Variants in SLC9A3 observed in about 807,000 individuals in gnomAD.
The protein encoded by SLC9A3 is sodium/hydrogen exchanger 3.
In SLC9A3, 37 loss-of-function variants were observed where a neutral mutation model predicts 86.8. The ratio of observed to expected loss-of-function variants is 0.43; its 90% confidence interval spans 0.33 to 0.56. The LOEUF (loss-of-function observed/expected upper bound fraction) is 0.56. SLC9A3 is among the 20% of genes least tolerant of loss of function. The pLI is 0.06. For missense variants in SLC9A3, 1,011 were observed against 1,171.9 expected (o/e 0.86, Z 2.00); for synonymous variants, 581 against 528.3 (o/e 1.10, Z -1.37).
At chr5:499,524 C>T (rs1214266323) in intron 1 of SLC9A3, among the ~76,000 whole-genome samples, 1 of 152,256 alleles carries the variant, frequency 6.6e-6, no homozygotes, top group Admixed American at 6.5e-5. Context: ...ACAATCTGCA[C>T]GTTTTTAGGA....
chr5:505,902 A>G (rs1210694694), intron 1 of SLC9A3, among the ~76,000 whole-genome samples: 2 of 151,386 alleles, frequency 1.3e-5, no homozygotes, highest in African/African-American at 4.9e-5. Flanking sequence ...CACTGAGGCA[A>G]AGGCATGAGG....
At chr5:488,660 C>G (rs6869609) in intron 2 of SLC9A3, among the ~76,000 whole-genome samples, 184 bp from the exon 3 acceptor site, 53,935 of 152,206 alleles carry the variant, frequency 0.35, 9,744 homozygotes, top group Admixed American at 0.4. Flanking sequence ...GGGAAGGCTG[C>G]TGTCTTCCGA....
chr5:476,498 C>CG, intron 12 of SLC9A3, 45 bp downstream of exon 12: 2 of 1,604,662 alleles, frequency 1.2e-6, no homozygotes, highest in East Asian at 4.5e-5. Flanking sequence ...AGCCGCCCCA[C>CG]GGGGTCCCTG....
chr5:499,398 C>T (rs1356833006), intron 1 of SLC9A3, among the ~76,000 whole-genome samples: 2 of 152,260 alleles, frequency 1.3e-5, no homozygotes, highest in Non-Finnish European at 2.9e-5. Flanking sequence ...TGTCCACATG[C>T]ACACAGCCGG....
chr5:510,696 G>A (rs534597103), intron 1 of SLC9A3, among the ~76,000 whole-genome samples: 85 of 152,350 alleles, frequency 5.6e-4, no homozygotes, highest in African/African-American at 1.9e-3. Flanking sequence ...GCAGGCGGCC[G>A]TGGATGCCAT....
intron 6 of SLC9A3, 76 bp downstream of exon 6, chr5:483,186 G>A: frequency 8.6e-7 from 1 of 1,165,906 alleles, no homozygotes; most frequent in Non-Finnish European, 1.2e-6. Context: ...CCTGGGCCCA[G>A]TAGAAAGCCT....
chr5:482,803 G>A, intron 6 of SLC9A3, 53 bp from the exon 7 acceptor site: 1 of 1,433,380 alleles, frequency 7.0e-7, no homozygotes, highest in Non-Finnish European at 9.6e-7. Flanking sequence ...CCAGCCGCGG[G>A]ACCCCAGCCC....
chr5:501,008 G>A (rs1288074826), intron 1 of SLC9A3, among the ~76,000 whole-genome samples: 2 of 152,218 alleles, frequency 1.3e-5, no homozygotes, highest in Admixed American at 6.5e-5. Flanking sequence ...CTGGGGACAC[G>A]CAGGCCCTCA....
chr5:485,122 C>T (rs752064109), intron 4 of SLC9A3, 31 bp downstream of exon 4: 41 of 1,548,916 alleles, frequency 2.6e-5, no homozygotes, highest in East Asian at 9.0e-5. Context: ...GAGACACGGC[C>T]GCCCACTCCC....
intron 1 of SLC9A3, among the ~76,000 whole-genome samples, chr5:517,516 A>G (rs568343473): frequency 9.9e-5 from 15 of 151,288 alleles, no homozygotes; most frequent in African/African-American, 3.7e-4. Context: ...CCAGCTATCC[A>G]TTCACTCATC....
chr5:472,602 G>C lies in SLC9A3; in HGVS notation c.*777C>G. 3 of 393,392 alleles carry C rather than the reference G, an allele frequency of 7.6e-6. No homozygotes were observed. The highest frequency in any genetic ancestry group is 1.5e-5 in the Non-Finnish European group (3 of 196,202). 24.4% of individuals were successfully genotyped at this position (393,392 alleles called of 1,614,324 possible). A position where few individuals can be genotyped will look rare whatever the true frequency, so the allele number is the denominator to read the frequency against. On this transcript the variant is annotated 3_prime_UTR_variant, in exon 17 of 17. Coordinates refer to ENST00000264938, the MANE Select transcript of SLC9A3 (RefSeq NM_004174.4). ...CGCGGGCAGGACGGAACCTGGGGGG[G>C]AAACGGGGCAGGTACTGGCTTTAGG... is the stretch of plus-strand genomic sequence containing the variant.
In SLC9A3 at chr5:476,320, C is replaced by T. The variant is rs373185294; in HGVS notation, c.1949G>A (p.Arg650Gln). ...LTPTEDEKQD[R>Q]EIFHRTMRKR... is the part of the protein sequence containing the mutation. ...CCGCATGGTCCTGTGGAAGATTTCC[C>T]GGTCCTGTTTCTCGTCCTCCGTGGG... The change falls in exon 13 of 17, where the codon CGG (arginine) becomes CAG (glutamine). Residue 650 changes from arginine (R) to glutamine (Q), a missense_variant. Around this residue, in one of 3 missense-constraint regions of SLC9A3, gnomAD observed 397 missense variants for 346.3 expected, o/e 1.15. Coordinates refer to ENST00000264938, the MANE Select transcript of SLC9A3 (RefSeq NM_004174.4). 3.8e-5 allele frequency: 62 copies of T among 1,613,850 alleles called. No homozygotes were observed. The highest frequency in any genetic ancestry group is 3.3e-4 in the Middle Eastern group (2 of 6,084).
At chr5:490,913 T>C (rs1739703807) in intron 2 of SLC9A3, among the ~76,000 whole-genome samples, 1 of 152,224 alleles carries the variant, frequency 6.6e-6, no homozygotes, top group African/African-American at 2.4e-5. Context: ...AACCACGTGC[T>C]GGGTGAGGCG....
rs112372544 is a variant in SLC9A3, at chr5:519,238, G to A, written c.211+4874C>T. ...CCCACTCACTGGTCCTCTCCTGGGAGGACTGGGTCCCCTGGGGACTTTGCT... is the reference window on the plus strand; with the variant it reads ...CCCACTCACTGGTCCTCTCCTGGGAAGACTGGGTCCCCTGGGGACTTTGCT... On this transcript the variant is annotated intron_variant, in intron 1 of 16. Coordinates refer to ENST00000264938, the MANE Select transcript of SLC9A3 (RefSeq NM_004174.4). Among the ~76,000 whole-genome samples the A allele has an allele frequency of 9.2e-5, 14 of 152,290 alleles. 2 individuals carry two copies. The highest frequency in any genetic ancestry group is 3.4e-4 in the African/African-American group (14 of 41,546).
intron 1 of SLC9A3, among the ~76,000 whole-genome samples, chr5:506,458 C>T (rs968935336): frequency 3.9e-5 from 6 of 152,168 alleles, no homozygotes; most frequent in South Asian, 2.1e-4. Flanking sequence ...GGGGTCCTCC[C>T]GAGGGGCCCC....
intron 5 of SLC9A3, 43 bp from the exon 6 acceptor site, chr5:483,525 G>A (rs765130365): frequency 6.4e-6 from 9 of 1,400,162 alleles, no homozygotes; most frequent in Middle Eastern, 1.9e-4. Context: ...ACCTGGCCTG[G>A]CGCCCGAGGC....
intron 3 of SLC9A3, among the ~76,000 whole-genome samples, chr5:486,782 G>A (rs901331662): frequency 3.9e-5 from 6 of 152,184 alleles, no homozygotes; most frequent in Non-Finnish European, 5.9e-5. Context: ...ACGCAGGGAC[G>A]GCCACGTGAG....
At chr5:512,715 G>T (rs940551522) in intron 1 of SLC9A3, among the ~76,000 whole-genome samples, 1 of 152,124 alleles carries the variant, frequency 6.6e-6, no homozygotes, top group Non-Finnish European at 1.5e-5. Flanking sequence ...GAAGCTGTTG[G>T]GGGGGCACTC....
intron 1 of SLC9A3, among the ~76,000 whole-genome samples, chr5:495,363 T>C (rs1739976487): frequency 7.1e-6 from 1 of 140,124 alleles, no homozygotes; most frequent in Admixed American, 7.0e-5. Context: ...CTCTGTGCCC[T>C]GGGGACTCAC....
Sources: allele counts gnomAD v4.1 joint callset (sites outside exome capture counted in the v4.1 genomes callset), GRCh38; gene constraint gnomAD v4.1.1; regional missense constraint gnomAD v4.1.1; transcripts MANE v1.5; gene names NCBI Gene and HGNC (gene_info 2026-07-23, HGNC 2026-07-21).